EIF3I: variants seen among roughly 807,000 people sequenced by gnomAD.
The protein encoded by EIF3I is eukaryotic translation initiation factor 3 subunit I.
In EIF3I, 20 loss-of-function variants were observed where a neutral mutation model predicts 43.3. The observed-to-expected ratio is 0.46, with a 90% CI of 0.32 to 0.67. EIF3I has a LOEUF of 0.67. Ranked by LOEUF, EIF3I falls within the 30% of genes least tolerant of loss-of-function variation. The probability of loss-of-function intolerance (pLI) is 0.03; values close to 1 mark genes in which losing one functional copy is unlikely to be tolerated. For synonymous variants in EIF3I, 167 were observed against 151.7 expected (o/e 1.10, Z -0.74); for missense variants, 279 against 421.4 (o/e 0.66, Z 2.96).
chr1:32,223,878 G>A (rs1639088873), intron 2 of EIF3I, among the ~76,000 whole-genome samples, 156 bp from the exon 3 acceptor site: 1 of 152,186 alleles, frequency 6.6e-6, no homozygotes, highest in African/African-American at 2.4e-5. Context: ...GAGAATCCAG[G>A]AGTTGGTCTT....
exon 1 of EIF3I, chr1:32,222,440 G>C (rs1390827962): frequency 2.5e-6 from 4 of 1,599,800 alleles, no homozygotes; most frequent in Non-Finnish European, 3.4e-6. Context: ...GTCACAGCCG[G>C]GATGGTGAGT....
At chr1:32,235,704 A>G (rs75576592), downstream of EIF3I, among the ~76,000 whole-genome samples, 1,492 of 152,298 alleles carry the variant, frequency 9.8e-3, 35 homozygotes, top group African/African-American at 0.033. Context: ...GAAGGGTCAC[A>G]TAGCCCTCTG....
chr1:32,228,254 C>T (rs904828504), intron 6 of EIF3I, among the ~76,000 whole-genome samples: 1 of 152,130 alleles, frequency 6.6e-6, no homozygotes, highest in African/African-American at 2.4e-5. Flanking sequence ...TATCAATGGC[C>T]AGATTTTCCT....
chr1:32,224,753 C>G (rs1442240833), intron 4 of EIF3I, among the ~76,000 whole-genome samples: 5 of 151,732 alleles, frequency 3.3e-5, no homozygotes, highest in Non-Finnish European at 7.4e-5. Flanking sequence ...TCACTGCAAC[C>G]TCTGTCTCCC....
intron 7 of EIF3I, 59 bp downstream of exon 7, chr1:32,228,668 C>G (rs1166781082): frequency 6.2e-7 from 1 of 1,605,102 alleles, no homozygotes; most frequent in South Asian, 1.1e-5. Context: ...ACAGCTCACC[C>G]TGCCCGACTT....
downstream of EIF3I, chr1:32,231,484 T>C: frequency 1.3e-5 from 3 of 238,418 alleles, no homozygotes; most frequent in South Asian, 6.8e-5. Flanking sequence ...AGAGCAAAAC[T>C]CCGTCTCAAA....
At chr1:32,231,260 G>A in exon 12 of EIF3I, 1 of 1,481,608 alleles carries the variant, frequency 6.7e-7, no homozygotes, top group South Asian at 1.2e-5. Context: ...TTTTTTTAAG[G>A]CAGGCGGATC....
intron 4 of EIF3I, 144 bp from the exon 5 acceptor site, chr1:32,226,027 G>C (rs1380785199): frequency 2.2e-6 from 2 of 922,976 alleles, no homozygotes; most frequent in East Asian, 7.0e-5. Flanking sequence ...TCTCAAAAAA[G>C]AAAAAAAAAA....
chr1:32,229,020 C>A, intron 8 of EIF3I, 115 bp from the exon 9 acceptor site: 1 of 1,220,802 alleles, frequency 8.2e-7, no homozygotes, highest in Non-Finnish European at 1.2e-6. Flanking sequence ...CATCCCCTAC[C>A]TTTGGTATCC....
chr1:32,222,412 C>G, exon 1 of EIF3I: 1 of 1,589,320 alleles, frequency 6.3e-7, no homozygotes, highest in Non-Finnish European at 8.6e-7. Flanking sequence ...GTCTTACTCA[C>G]GTTGCGGCCT....
chr1:32,226,056 T>G, intron 4 of EIF3I, 115 bp from the exon 5 acceptor site: 1 of 1,360,224 alleles, frequency 7.4e-7, no homozygotes, highest in South Asian at 1.4e-5. Flanking sequence ...TAAAATACTT[T>G]TTAAGTTTGG....
chr1:32,231,478 C>T (rs1639236056), downstream of EIF3I: 2 of 242,802 alleles, frequency 8.2e-6, no homozygotes, highest in Non-Finnish European at 1.6e-5. Context: ...GCCACAAGAG[C>T]AAAACTCCGT....
At chr1:32,232,822 A>G (rs1449515706), downstream of EIF3I, among the ~76,000 whole-genome samples, 1 of 152,148 alleles carries the variant, frequency 6.6e-6, no homozygotes, top group Non-Finnish European at 1.5e-5. Context: ...AGGATGGGGT[A>G]TAGAGGAAGA....
chr1:32,228,014 C>T (rs965426738), intron 6 of EIF3I, among the ~76,000 whole-genome samples: 3 of 152,102 alleles, frequency 2.0e-5, no homozygotes, highest in African/African-American at 7.2e-5. Context: ...GTGGCGTGTA[C>T]ATTAAACCCT....
intron 6 of EIF3I, 83 bp from the exon 7 acceptor site, chr1:32,228,416 T>C: frequency 8.6e-7 from 1 of 1,165,474 alleles, no homozygotes; most frequent in Non-Finnish European, 1.3e-6. Flanking sequence ...CTGTCTCAGC[T>C]TTCATTTGGG....
intron 6 of EIF3I, among the ~76,000 whole-genome samples, chr1:32,226,824 CTTTTTTTTTT>C (rs1216197071): frequency 2.5e-5 from 2 of 78,622 alleles, no homozygotes; most frequent in East Asian, 4.8e-4. Context: ...CCGCTCGTGG[CTTTTTTTTTT>C]TTTTTTTTTT....
At chr1:32,224,374 G>C in intron 3 of EIF3I, 36 bp from the exon 4 acceptor site, 2 of 1,587,244 alleles carry the variant, frequency 1.3e-6, no homozygotes. Flanking sequence ...ACAAGGGCTC[G>C]GGTGAACTTC....
chr1:32,229,111 T>C (rs1426766988), intron 8 of EIF3I, 24 bp from the exon 9 acceptor site: 1 of 1,606,692 alleles, frequency 6.2e-7, no homozygotes. Context: ...ATTGGTCCCA[T>C]CTAGAGTTTC....
intron 9 of EIF3I, 26 bp downstream of exon 9, chr1:32,229,234 A>G (rs779216531): frequency 5.7e-5 from 92 of 1,606,750 alleles, no homozygotes; most frequent in Non-Finnish European, 7.5e-5. Flanking sequence ...GCTCTTCCAA[A>G]TTAAAATCTC....
Sources: allele counts gnomAD v4.1 joint callset (sites outside exome capture counted in the v4.1 genomes callset), GRCh38; gene constraint gnomAD v4.1.1; transcripts MANE v1.5; gene names NCBI Gene and HGNC (gene_info 2026-07-23, HGNC 2026-07-21).